The following CCDC88C variants were observed in gnomAD, a reference collection of about 807,000 sequenced individuals.
CCDC88C encodes the protein protein Daple.
A neutral mutation model predicts 198.8 loss-of-function variants in CCDC88C; 131 were observed. The ratio of observed to expected loss-of-function variants is 0.66; its 90% CI spans 0.57 to 0.76. The LOEUF (loss-of-function observed/expected upper bound fraction) is 0.76. CCDC88C is among the 30% of genes least tolerant of loss of function. CCDC88C has a pLI of 0.00. For missense variants in CCDC88C, 2,553 were observed against 2,631.6 expected (o/e 0.97, Z 0.65); for synonymous variants, 1,166 against 1,114.7 (o/e 1.05, Z -0.92).
Position 91,339,297 on chromosome 14 carries a change from G to T in CCDC88C, c.790C>A (p.Arg264=). The T allele has an allele frequency of 6.2e-7, 1 of 1,612,884 alleles. No homozygotes were observed. The highest frequency in any genetic ancestry group is 8.5e-7 in the Non-Finnish European group (1 of 1,179,838). ...ACTCACAGCTCCTGCCTGACGCGCC[G>T]CAGCCTGGCCTTGGTGTCGGCCAGC... The part of the protein sequence containing the change: ...VELADTKARL[R]RVRQELEDKT... The change falls in exon 8 of 30, where the codon CGG becomes AGG. Residue 264 remains arginine, a synonymous_variant. Transcript: ENST00000389857. The surrounding 1 kb of genome is among the most constrained non-coding windows in gnomAD (Gnocchi z 5.8).
intron 24 of CCDC88C, 35 bp from the exon 25 acceptor site, chr14:91,289,378 C>T (rs1022152363): frequency 1.9e-6 from 3 of 1,578,950 alleles, no homozygotes; most frequent in African/African-American, 1.3e-5. Context: ...CATAGCCAGC[C>T]CTCCCACACA....
chr14:91,402,354 G>A (rs1886254685), intron 3 of CCDC88C, among the ~76,000 whole-genome samples: 1 of 152,140 alleles, frequency 6.6e-6, no homozygotes, highest in African/African-American at 2.4e-5. Flanking sequence ...ATTTCTTAAA[G>A]ATAATCCTAA....
intron 24 of CCDC88C, among the ~76,000 whole-genome samples, chr14:91,290,069 C>T (rs1413602745): frequency 1.3e-5 from 2 of 152,052 alleles, no homozygotes; most frequent in African/African-American, 2.4e-5. Flanking sequence ...GTCAGGAGTT[C>T]GAGACCAGCC....
intron 10 of CCDC88C, among the ~76,000 whole-genome samples, chr14:91,333,541 G>A (rs1447048825): frequency 6.6e-6 from 1 of 152,220 alleles, no homozygotes; most frequent in Non-Finnish European, 1.5e-5. Flanking sequence ...CATGTAAAAC[G>A]ATGCTGTGTG....
chr14:91,348,777 T>C (rs1219970931), intron 4 of CCDC88C, among the ~76,000 whole-genome samples: 1 of 152,228 alleles, frequency 6.6e-6, no homozygotes, highest in African/African-American at 2.4e-5. Context: ...ATAAACTCTT[T>C]GGTGATGAAC....
chr14:91,406,146 C>T (rs1225976092), intron 3 of CCDC88C, among the ~76,000 whole-genome samples: 1 of 152,226 alleles, frequency 6.6e-6, no homozygotes, highest in Admixed American at 6.5e-5. Flanking sequence ...CAGCAAACTG[C>T]TTCTCAAACC....
chr14:91,394,528 C>T (rs1400707129), intron 3 of CCDC88C, among the ~76,000 whole-genome samples: 1 of 152,192 alleles, frequency 6.6e-6, no homozygotes, highest in African/African-American at 2.4e-5. Flanking sequence ...ACACCGTGCT[C>T]CCTGATTGTA....
chr14:91,335,405 C>A (rs781704147), intron 10 of CCDC88C, among the ~76,000 whole-genome samples: 51 of 152,158 alleles, frequency 3.4e-4, no homozygotes, highest in Non-Finnish European at 3.1e-4. Context: ...GTGGCCCTGA[C>A]CTCAGGTGTC....
Position 91,290,997 on chromosome 14 carries a change from C to T in CCDC88C, c.4200G>A (p.Lys1400=). 6.4e-7 allele frequency: 1 copy of T among 1,569,168 alleles called. No individual in the cohort carries two copies. Among genetic ancestry groups the T allele is most frequent in the Non-Finnish European group, 8.7e-7 (1 of 1,146,256 alleles). Residue 1400 remains lysine (K), a splice_region_variant and synonymous_variant, in exon 24 of 30, where the codon AAG becomes AAA. Coordinates refer to ENST00000389857, the MANE Select transcript of CCDC88C (RefSeq NM_001080414.4). ...CCACTACACTTAAATCAACTCACTT[C>T]TTTGGAGGAGGATCATAGAACTTGT... is the stretch of plus-strand genomic sequence containing the variant. The part of the protein sequence containing the change: ...DQYKFYDPPP[K]KKNHWIGAKA...
chr14:91,333,489 A>G (rs1325549380), intron 10 of CCDC88C, among the ~76,000 whole-genome samples: 1 of 152,244 alleles, frequency 6.6e-6, no homozygotes, highest in East Asian at 1.9e-4. Flanking sequence ...GTAAATATTC[A>G]TGATGTGTGA....
Position 91,324,390 on chromosome 14 carries a change from C to T in CCDC88C, c.1342+389G>A, listed in dbSNP as rs1019170809. ...TTATGCAAATGAATGGAGGAAATGACGCCCTGGGTACATTTATAGCAGGGA... is the reference window on the plus strand; with the variant it reads ...TTATGCAAATGAATGGAGGAAATGATGCCCTGGGTACATTTATAGCAGGGA... On this transcript the variant is annotated intron_variant, in intron 12 of 29. Coordinates refer to ENST00000389857, the MANE Select transcript of CCDC88C (RefSeq NM_001080414.4). 5.3e-4 allele frequency among the ~76,000 whole-genome samples: 80 copies of T among 152,252 alleles called. 1 individual carries two copies. The highest frequency in any genetic ancestry group is 1.9e-3 in the African/African-American group (80 of 41,460).
rs562461817 is a variant in CCDC88C at position 91,352,287 on chromosome 14, C to T, written c.340+7355G>A. ...AAAGTCTGGTCTCCAGGCAGATCCG[C>T]GGGTGCTTGGAGGCCGGCGTGTGGG... On this transcript the variant is annotated intron_variant, in intron 4 of 29. Transcript: ENST00000389857. This position sits in a 1 kb window ranked among gnomAD's most constrained non-coding sequence, Gnocchi z 4.2. 7.9e-5 allele frequency among the ~76,000 whole-genome samples: 12 copies of T among 152,304 alleles called. No individual in the cohort carries two copies. Among genetic ancestry groups the T allele is most frequent in the East Asian group, 1.9e-4 (1 of 5,170 alleles).
intron 24 of CCDC88C, among the ~76,000 whole-genome samples, chr14:91,289,958 T>C (rs550250422): frequency 5.3e-5 from 8 of 152,164 alleles, no homozygotes; most frequent in Non-Finnish European, 1.0e-4. Context: ...TCAATTTCTG[T>C]GTCAAACAGA....
At chr14:91,294,370 C>A (rs1890906627) in intron 22 of CCDC88C, 52 bp from the exon 23 acceptor site, 1 of 1,592,634 alleles carries the variant, frequency 6.3e-7, no homozygotes, top group African/African-American at 1.3e-5. Context: ...GGTGTTCCCA[C>A]TGCTGGGAAC....
At chr14:91,361,093 G>A (rs1056618187) in intron 3 of CCDC88C, among the ~76,000 whole-genome samples, 7 of 149,406 alleles carry the variant, frequency 4.7e-5, no homozygotes, top group African/African-American at 7.4e-5. Flanking sequence ...TTGCACGAGT[G>A]CACTCCAGCC....
At position 91,339,773 on chromosome 14, in the gene CCDC88C, C is replaced by T. The variant is rs1008859688; in HGVS notation, c.624+111G>A. 6.9e-6 allele frequency: 9 copies of T among 1,309,338 alleles called. No individual in the cohort carries two copies. Among genetic ancestry groups the T allele is most frequent in the Non-Finnish European group, 9.2e-6 (9 of 980,690 alleles). 81.1% of individuals were successfully genotyped at this position (1,309,338 alleles called of 1,614,324 possible). A position where few individuals can be genotyped will look rare whatever the true frequency, so the allele number is the denominator to read the frequency against. ...GGAAAGCACGCACGTCCCACCCCCA[C>T]CAGAACCTCAGCAGCAGGACCGAGG... On this transcript the variant is annotated intron_variant, in intron 7 of 29. Transcript: ENST00000389857. The surrounding 1 kb of genome is among the most constrained non-coding windows in gnomAD (Gnocchi z 5.8).
Position 91,272,145 on chromosome 14 carries a change from T to C in CCDC88C, c.*480A>G, listed in dbSNP as rs1889761252. The C allele has an allele frequency of 6.4e-6, 1 of 157,382 alleles. No homozygotes were observed. The highest frequency in any genetic ancestry group is 1.4e-5 in the Non-Finnish European group (1 of 71,154). 9.7% of individuals were successfully genotyped at this position (157,382 alleles called of 1,614,324 possible). A position where few individuals can be genotyped will look rare whatever the true frequency, so the allele number is the denominator to read the frequency against. On this transcript the variant is annotated 3_prime_UTR_variant, in exon 30 of 30. Coordinates refer to ENST00000389857, the MANE Select transcript of CCDC88C (RefSeq NM_001080414.4). ...GGGTCTGCCAGGCCCTGGAGACCTT[T>C]GTAGTATCGCCAGTCTGGGCTTCTC...
At chr14:91,291,259 T>C (rs1274508409) in intron 23 of CCDC88C, among the ~76,000 whole-genome samples, 175 bp from the exon 24 acceptor site, 2 of 152,226 alleles carry the variant, frequency 1.3e-5, no homozygotes, top group Non-Finnish European at 2.9e-5. Flanking sequence ...AATGGTGGCA[T>C]GCGCCGTGGG....
intron 17 of CCDC88C, among the ~76,000 whole-genome samples, chr14:91,308,096 G>T (rs560043095): frequency 5.3e-5 from 8 of 152,202 alleles, no homozygotes; most frequent in African/African-American, 1.7e-4. Flanking sequence ...GGGTGTTCCC[G>T]TATCTTGCCT....
Sources: allele counts gnomAD v4.1 joint callset (sites outside exome capture counted in the v4.1 genomes callset), GRCh38; gene constraint gnomAD v4.1.1; non-coding constraint Gnocchi (gnomAD v3.1); transcripts MANE v1.5; gene names NCBI Gene and HGNC (gene_info 2026-07-23, HGNC 2026-07-21).